Variants in JADE2 observed in about 807,000 individuals in gnomAD.
The protein encoded by JADE2 is jade family PHD finger 2.
In JADE2, 13 loss-of-function variants were observed where a neutral mutation model predicts 85.7. The ratio of observed to expected loss-of-function variants is 0.15; its 90% CI spans 0.10 to 0.24. JADE2 has a LOEUF of 0.24. Among genes scored for constraint, JADE2 ranks in the 10% least tolerant of loss-of-function variants. The pLI, the probability that JADE2 is intolerant of heterozygous loss-of-function variation, is 1.00. For synonymous variants in JADE2, 440 were observed against 456.1 expected (o/e 0.96, Z 0.45); for missense variants, 846 against 1,115.9 (o/e 0.76, Z 3.45).
intron 1 of JADE2, among the ~76,000 whole-genome samples, chr5:134,527,613 C>T (rs757792142): frequency 2.0e-5 from 3 of 151,946 alleles, no homozygotes; most frequent in Non-Finnish European, 2.9e-5. Context: ...CCTTCCTTCG[C>T]CTGGGCCGGA....
intron 9 of JADE2, among the ~76,000 whole-genome samples, chr5:134,570,505 C>G (rs561528958): frequency 2.6e-5 from 4 of 152,304 alleles, no homozygotes; most frequent in African/African-American, 9.6e-5. Flanking sequence ...GCTCCCACCC[C>G]CATCTCTCCT....
chr5:134,576,963 C>G (rs1764407278), intron 11 of JADE2, 67 bp downstream of exon 11: 7 of 1,478,122 alleles, frequency 4.7e-6, no homozygotes, highest in Non-Finnish European at 6.3e-6. Context: ...GCAGCTCTGT[C>G]TGCCCTGCGG....
chr5:134,538,491 G>A (rs1314683355), intron 3 of JADE2, among the ~76,000 whole-genome samples: 1 of 152,164 alleles, frequency 6.6e-6, no homozygotes, highest in Non-Finnish European at 1.5e-5. Context: ...ATAAGGATTT[G>A]CTGGTGCAGG....
intron 1 of JADE2, among the ~76,000 whole-genome samples, chr5:134,535,237 G>A (rs1160463098): frequency 6.6e-6 from 1 of 152,144 alleles, no homozygotes; most frequent in Non-Finnish European, 1.5e-5. Flanking sequence ...AAGGATGGTG[G>A]GGAGTAGGAG....
chr5:134,560,472 C>T (rs1763255331), intron 5 of JADE2, among the ~76,000 whole-genome samples: 1 of 152,196 alleles, frequency 6.6e-6, no homozygotes, highest in Admixed American at 6.5e-5. Context: ...CCCAGAGACA[C>T]TTCCATGTTA....
At chr5:134,577,386 G>A (rs926461756) in intron 11 of JADE2, among the ~76,000 whole-genome samples, 2 of 152,222 alleles carry the variant, frequency 1.3e-5, no homozygotes, top group Non-Finnish European at 2.9e-5. Context: ...CAGGCCTCCT[G>A]TTAGGCAGAG....
Position 134,579,055 on chromosome 5 carries a change from C to G in JADE2, c.2243C>G (p.Pro748Arg). 4 of 1,614,060 alleles carry G rather than the reference C, an allele frequency of 2.5e-6. No homozygotes were observed. The highest frequency in any genetic ancestry group is 3.4e-6 in the Non-Finnish European group (4 of 1,180,006). ...CCTGGCCCTGCAGCAAGCCCTAAGC[C>G]TTTGGGCCGGCTCCGGCCACCCCGC... ...QVPGPAASPK[P>R]LGRLRPPRES... The change falls in exon 12 of 12, where the codon CCT (proline) becomes CGT (arginine). Residue 748 changes from proline (P) to arginine (R), a missense_variant. Physicochemically the swap from Pro to Arg is moderately radical, Grantham distance 103. Around this residue, in one of 9 missense-constraint regions of JADE2, gnomAD observed 300 missense variants for 300.7 expected, o/e 1.00. Coordinates refer to ENST00000681547, the MANE Select transcript of JADE2 (RefSeq NM_001388185.1). This position sits in a 1 kb window ranked among gnomAD's most constrained non-coding sequence, Gnocchi z 4.6.
upstream of JADE2, chr5:134,524,364 C>G (rs1760684424): frequency 6.6e-6 from 1 of 152,532 alleles, no homozygotes; most frequent in South Asian, 2.1e-4. Flanking sequence ...GCCCGCCCGC[C>G]TGGCGAGCGC....
intron 4 of JADE2, among the ~76,000 whole-genome samples, chr5:134,552,737 G>A (rs2569342): frequency 0.69 from 104,871 of 151,730 alleles, 36,582 homozygotes; most frequent in East Asian, 0.76. Flanking sequence ...CAGTGGTGCA[G>A]TCTTGGCCCA....
upstream of JADE2, among the ~76,000 whole-genome samples, chr5:134,525,164 C>CTTT (rs763345253): frequency 4.5e-5 from 6 of 133,844 alleles, no homozygotes; most frequent in African/African-American, 1.4e-4. Flanking sequence ...TATAAGCTCG[C>CTTT]TTTTTTTTTT....
intron 1 of JADE2, among the ~76,000 whole-genome samples, chr5:134,529,179 G>A (rs1192021264): frequency 1.3e-5 from 2 of 152,210 alleles, no homozygotes; most frequent in African/African-American, 2.4e-5. Context: ...CATGCAGCAG[G>A]CTTTTTGGGA....
chr5:134,552,049 C>A lies in JADE2; in HGVS notation c.154-3C>A, dbSNP rs750327698. On this transcript the variant is annotated splice_polypyrimidine_tract_variant and splice_region_variant and intron_variant, in intron 3 of 11. Transcript: ENST00000681547. ...TCACTCTTTCCCCTCTTGCCCCTCACAGGTTTTCCGGACAGACTTGATCAC... is the reference window on the plus strand; with the variant it reads ...TCACTCTTTCCCCTCTTGCCCCTCAAAGGTTTTCCGGACAGACTTGATCAC... 7 of 1,614,124 alleles carry A rather than the reference C, an allele frequency of 4.3e-6. No individual in the cohort carries two copies. The Admixed American group carries it at 6.7e-5, about 15-fold the overall frequency.
intron 4 of JADE2, among the ~76,000 whole-genome samples, chr5:134,552,783 C>T (rs373034370): frequency 8.6e-5 from 13 of 151,958 alleles, no homozygotes; most frequent in African/African-American, 3.1e-4. Context: ...AGCAGTCCTC[C>T]CACCTCAGCC....
At position 134,526,885 on chromosome 5, in the gene JADE2, GGCGGCCGGA is replaced by G. The variant is rs916782573; in HGVS notation, c.-1+880_-1+888del. On this transcript the variant is annotated intron_variant, in intron 1 of 11. Coordinates refer to ENST00000681547, the MANE Select transcript of JADE2 (RefSeq NM_001388185.1). ...GCTGGGAGAGTGGAAATGTACCGGC[GGCGGCCGGA>G]GCGGCGGGTGCGCGCCCGCGGGGCG... is the stretch of plus-strand genomic sequence containing the variant. The G allele has an allele frequency of 4.4e-4, 258 of 593,060 alleles. 1 individual carries two copies. The highest frequency in any genetic ancestry group is 5.1e-4 in the Non-Finnish European group (242 of 471,256). 36.7% of individuals were successfully genotyped at this position (593,060 alleles called of 1,614,324 possible).
At chr5:134,536,490 A>C (rs1190367704) in intron 2 of JADE2, among the ~76,000 whole-genome samples, 1 of 152,178 alleles carries the variant, frequency 6.6e-6, no homozygotes, top group Non-Finnish European at 1.5e-5. Flanking sequence ...TTGGCATGTC[A>C]ATTGGACGTG....
intron 6 of JADE2, among the ~76,000 whole-genome samples, chr5:134,561,217 G>A (rs1198533621): frequency 6.6e-6 from 1 of 152,172 alleles, no homozygotes; most frequent in Non-Finnish European, 1.5e-5. Context: ...CTTGTGCCCT[G>A]TCCCTGCCCC....
At chr5:134,538,192 G>C in intron 3 of JADE2, 109 bp downstream of exon 3, 1 of 805,092 alleles carries the variant, frequency 1.2e-6, no homozygotes, top group South Asian at 1.6e-5. Context: ...GCAGAGGGAG[G>C]CCAGCGTGGC....
intron 4 of JADE2, among the ~76,000 whole-genome samples, chr5:134,554,785 C>A (rs559861824): frequency 6.6e-6 from 1 of 152,310 alleles, no homozygotes; most frequent in Admixed American, 6.5e-5. Flanking sequence ...CCTCCTGGCA[C>A]CTCCCACTGC....
intron 11 of JADE2, among the ~76,000 whole-genome samples, chr5:134,577,551 C>T (rs979200599): frequency 2.6e-5 from 4 of 152,116 alleles, no homozygotes; most frequent in African/African-American, 7.2e-5. Flanking sequence ...ACAACCCAGG[C>T]GTGGTGGTGC....
Sources: gnomAD v4.1 joint callset for allele counts (sites outside exome capture counted in the v4.1 genomes callset) on GRCh38, gnomAD v4.1.1 for gene constraint, gnomAD v4.1.1 regional missense constraint, Gnocchi (gnomAD v3.1) non-coding constraint, MANE v1.5 for transcripts, NCBI Gene and HGNC (gene_info 2026-07-23, HGNC 2026-07-21) for gene names.